Variants in ZNF765 observed in about 807,000 individuals in gnomAD.
ZNF765 encodes the protein zinc finger protein 765.
ZNF765 carries 37 observed loss-of-function variants against 44.7 expected under a neutral mutation model. The observed-to-expected ratio is 0.83, with a 90% confidence interval of 0.64 to 1.09. ZNF765 has a LOEUF of 1.09. Ranked by LOEUF, ZNF765 falls within the 50% of genes least tolerant of loss-of-function variation. The pLI is 0.00. For missense variants in ZNF765, 594 were observed against 626.1 expected, an observed-to-expected ratio of 0.95 and a Z score of 0.55; for synonymous variants, 201 against 213.7, an observed-to-expected ratio of 0.94 and a Z score of 0.52.
chr19:53,408,075 G>A lies in ZNF765; in HGVS notation c.520G>A (p.Val174Ile), dbSNP rs757394137. The change falls in exon 4 of 4, where the codon GTT (valine) becomes ATT (isoleucine). Residue 174 changes from valine to isoleucine, a missense_variant. By Grantham distance (29) the Val-to-Ile change is conservative (BLOSUM62 3). This residue lies in a region of ZNF765 where 567 missense variants were observed against 572.6 expected (regional missense o/e 0.99). Coordinates refer to ENST00000396408, the MANE Select transcript of ZNF765 (RefSeq NM_001040185.3). ...VVKSIHDASL[V>I]STAQRISCRP... is the part of the protein sequence containing the mutation. ...GAAGTCTATCCACGATGCTTCCTTG[G>A]TTTCAACAGCCCAAAGAATTTCTTG... 9 of 1,614,076 alleles carry A rather than the reference G, an allele frequency of 5.6e-6. No homozygotes were observed. The East Asian group carries it at 2.0e-4, about 36-fold the overall frequency.
intron 3 of ZNF765, among the ~76,000 whole-genome samples, chr19:53,419,162 G>A (rs2147106851): frequency 6.6e-6 from 1 of 152,164 alleles, no homozygotes; most frequent in East Asian, 1.9e-4. Flanking sequence ...AATGAAACCT[G>A]GGTTTTAAGG....
At position 53,409,826 on chromosome 19, in the gene ZNF765, C is replaced by G; in HGVS notation, c.*699C>G. On this transcript the variant is annotated 3_prime_UTR_variant, in exon 4 of 4. Coordinates refer to ENST00000396408, the MANE Select transcript of ZNF765 (RefSeq NM_001040185.3). ...CAAGACCTTTAGTCTGAAGTCATACCTTACGCACCATCGTAGACTTCATAC... is the reference window on the plus strand; with the variant it reads ...CAAGACCTTTAGTCTGAAGTCATACGTTACGCACCATCGTAGACTTCATAC... The G allele has an allele frequency of 1.4e-6, 1 of 706,524 alleles. No individual in the cohort carries two copies. The highest frequency in any genetic ancestry group is 2.6e-6 in the Non-Finnish European group (1 of 378,154). 43.8% of individuals were successfully genotyped at this position (706,524 alleles called of 1,614,324 possible).
At chr19:53,426,902 G>T (rs1357320663) in exon 4 of ZNF765, 1 of 151,022 alleles carries the variant, frequency 6.6e-6, no homozygotes, top group Non-Finnish European at 1.5e-5. Flanking sequence ...TCGTTCCCAC[G>T]GACCATGCTC....
downstream of ZNF765, among the ~76,000 whole-genome samples, chr19:53,414,308 C>T (rs12983127): frequency 0.82 from 106,405 of 130,550 alleles, 44,391 homozygotes; most frequent in Non-Finnish European, 0.88. Flanking sequence ...CAGGGGAGAA[C>T]CAGGTATGAT....
intron 2 of ZNF765, among the ~76,000 whole-genome samples, 164 bp downstream of exon 2, chr19:53,398,194 C>T (rs991133389): frequency 8.5e-5 from 13 of 152,160 alleles, no homozygotes; most frequent in Admixed American, 2.6e-4. Flanking sequence ...ATTCCATCTC[C>T]CATGATCCAG....
chr19:53,398,099 A>G, intron 2 of ZNF765, 69 bp downstream of exon 2: 2 of 1,612,256 alleles, frequency 1.2e-6, no homozygotes, highest in South Asian at 2.2e-5. Context: ...GGAGTTTGGA[A>G]TCTTCTCTGA....
At position 53,422,339 on chromosome 19, in the gene ZNF765, C is replaced by T. The variant is rs1306894777; in HGVS notation, c.143-723C>T. 7.2e-5 allele frequency among the ~76,000 whole-genome samples: 11 copies of T among 152,256 alleles called. No homozygotes were observed. The East Asian group carries it at 2.1e-3, about 29-fold the overall frequency. On this transcript the variant is annotated intron_variant, in intron 3 of 3. Transcript: ENST00000594030. ...AAACATGGTGTGAATTTACACAAAT[C>T]ATGTCACCTCTCTGTGCTTGAGTCC... is the stretch of plus-strand genomic sequence containing the variant.
chr19:53,414,105 G>T (rs573702742), downstream of ZNF765, among the ~76,000 whole-genome samples: 1 of 151,706 alleles, frequency 6.6e-6, no homozygotes, highest in East Asian at 2.0e-4. Flanking sequence ...GCAAGGCATG[G>T]TGGCACATGC....
chr19:53,400,230 C>T (rs2085710073), intron 2 of ZNF765, among the ~76,000 whole-genome samples: 1 of 152,160 alleles, frequency 6.6e-6, no homozygotes, highest in South Asian at 2.1e-4. Context: ...TTTGATCCTG[C>T]TGGTTGTGAA....
downstream of ZNF765, chr19:53,413,115 A>AG (rs1210482508): frequency 9.8e-6 from 3 of 306,726 alleles, no homozygotes; most frequent in African/African-American, 7.9e-5. Context: ...TGTCTCAAAA[A>AG]GAAAAAAAAA....
intron 3 of ZNF765, among the ~76,000 whole-genome samples, chr19:53,418,540 TGA>T (rs2147106365): frequency 6.6e-6 from 1 of 151,810 alleles, no homozygotes; most frequent in African/African-American, 2.4e-5. Flanking sequence ...GAAGGATGGG[TGA>T]GGTGACTGTT....
chr19:53,405,617 A>G (rs1160553834), intron 3 of ZNF765, among the ~76,000 whole-genome samples: 2 of 149,758 alleles, frequency 1.3e-5, no homozygotes, highest in Admixed American at 6.7e-5. Flanking sequence ...GCTCTTTAAT[A>G]TCTCTTTTTA....
At chr19:53,395,820 G>A (rs1368541347) in intron 1 of ZNF765, among the ~76,000 whole-genome samples, 1 of 152,162 alleles carries the variant, frequency 6.6e-6, no homozygotes, top group Non-Finnish European at 1.5e-5. Context: ...CAGGCGTTTT[G>A]CTCCAAACCC....
rs186886621 is a variant in ZNF765 at position 53,395,202 on chromosome 19, C to G, written c.-74+9C>G. 3.3e-5 allele frequency: 5 copies of G among 152,360 alleles called. No homozygotes were observed. Among genetic ancestry groups the G allele is most frequent in the Non-Finnish European group, 7.3e-5 (5 of 68,160 alleles). 9.4% of individuals were successfully genotyped at this position (152,360 alleles called of 1,614,324 possible). Reference sequence around the variant, plus strand: ...CTATCCCACCGCCGCGGGTGAGTTTCGCTCTGTTTTGTATTAAGTCTGTGC... The same window carrying G: ...CTATCCCACCGCCGCGGGTGAGTTTGGCTCTGTTTTGTATTAAGTCTGTGC... On this transcript the variant is annotated intron_variant, in intron 1 of 3. Transcript: ENST00000396408.
chr19:53,399,714 A>G (rs1028515173), intron 2 of ZNF765, among the ~76,000 whole-genome samples: 20 of 151,804 alleles, frequency 1.3e-4, no homozygotes. Context: ...TTGGGGCCAT[A>G]TGTTCCGGTT....
At chr19:53,416,361 G>A (rs1176474067), downstream of ZNF765, among the ~76,000 whole-genome samples, 9 of 152,096 alleles carry the variant, frequency 5.9e-5, no homozygotes, top group South Asian at 2.1e-4. Context: ...AGCCGAGATC[G>A]CACCAATGTA....
At chr19:53,403,344 A>G (rs1176191695) in intron 3 of ZNF765, among the ~76,000 whole-genome samples, 1 of 151,080 alleles carries the variant, frequency 6.6e-6, no homozygotes, top group African/African-American at 2.5e-5. Context: ...TCTGTTACAT[A>G]TTATCTGTAT....
At chr19:53,397,093 A>G (rs942393946) in intron 1 of ZNF765, among the ~76,000 whole-genome samples, 10 of 152,252 alleles carry the variant, frequency 6.6e-5, no homozygotes, top group African/African-American at 1.9e-4. Flanking sequence ...GGGACTCGGG[A>G]GTCTACTTTG....
chr19:53,403,999 GA>G (rs377532834), intron 3 of ZNF765, among the ~76,000 whole-genome samples: 1 of 152,002 alleles, frequency 6.6e-6, no homozygotes, highest in Non-Finnish European at 1.5e-5. Flanking sequence ...CTAAATAACA[GA>G]AAAAAAAGTT....
Sources: allele counts gnomAD v4.1 joint callset (sites outside exome capture counted in the v4.1 genomes callset), GRCh38; gene constraint gnomAD v4.1.1; regional missense constraint gnomAD v4.1.1; transcripts MANE v1.5; gene names NCBI Gene and HGNC (gene_info 2026-07-23, HGNC 2026-07-21).